The following GFM1 variants were observed in gnomAD, a reference collection of about 807,000 sequenced individuals.
GFM1 encodes elongation factor G, mitochondrial.
Under a neutral mutation model 96.2 loss-of-function variants are expected in GFM1, and 62 were observed. That is an observed-to-expected ratio of 0.64 (90% CI 0.53 to 0.80). The LOEUF is 0.80. GFM1 is among the 30% of genes least tolerant of loss of function. The pLI is 0.00. For synonymous variants in GFM1, 282 were observed against 312.9 expected (o/e 0.90, Z 1.04); for missense variants, 852 against 916.6 (o/e 0.93, Z 0.91).
rs1359728711 is a variant in GFM1, at chr3:158,646,937, C to G, written c.562C>G (p.Gln188Glu). 1 of 1,613,550 alleles carries G rather than the reference C, an allele frequency of 6.2e-7. No homozygotes were observed. The highest frequency in any genetic ancestry group is 1.3e-5 in the African/African-American group (1 of 74,894). ...GGGCTCCAACCCAGCCAGGGCCCTG[C>G]AGCAAATGAGGTAATGAGCCTTAGA... ...RMGSNPARALQQMRSKLNHNA... is the reference protein window; with the variant it reads ...RMGSNPARALEQMRSKLNHNA... The change falls in exon 4 of 18, where the codon CAG becomes GAG. Residue 188 changes from glutamine (Q) to glutamate (E), a missense_variant. Transcript: ENST00000486715.
At chr3:158,669,733 G>C (rs994416504) in intron 13 of GFM1, 31 of 927,614 alleles carry the variant, frequency 3.3e-5, no homozygotes, top group Non-Finnish European at 4.7e-5. Context: ...ACTTCAAAGT[G>C]CTTGTTTTCA....
intron 13 of GFM1, among the ~76,000 whole-genome samples, chr3:158,677,091 A>G (rs1724969378): frequency 6.6e-6 from 1 of 152,164 alleles, no homozygotes; most frequent in Admixed American, 6.5e-5. Context: ...TTTCATTATT[A>G]TTATATCTGT....
intron 17 of GFM1, 30 bp downstream of exon 17, chr3:158,691,222 G>A (rs773541608): frequency 1.3e-5 from 21 of 1,605,608 alleles, no homozygotes; most frequent in Non-Finnish European, 1.5e-5. Flanking sequence ...CCCTTCAAAA[G>A]ACCACCCTAC....
chr3:158,686,413 G>GTA (rs1035671912), intron 15 of GFM1, among the ~76,000 whole-genome samples: 6 of 148,592 alleles, frequency 4.0e-5, no homozygotes, highest in Non-Finnish European at 5.9e-5. Flanking sequence ...AATAAAATGT[G>GTA]TATATATATA....
intron 8 of GFM1, chr3:158,657,647 CTTT>C (rs1236770549): frequency 6.6e-6 from 1 of 151,970 alleles, no homozygotes; most frequent in African/African-American, 2.4e-5. Flanking sequence ...CCTTCTACTT[CTTT>C]ATGTTTTTTT....
Position 158,665,448 on chromosome 3 carries a change from G to A in GFM1, c.1492G>A (p.Glu498Lys). ...NKETVISGMG[E>K]LHLEIYAQRL... ...AGAGACAGTTATATCTGGAATGGGA[G>A]AATTACACCTGGAAATCTATGCTCA... Residue 498 changes from glutamate (E) to lysine (K), a missense_variant, in exon 12 of 18, where the codon GAA becomes AAA. By Grantham distance (56) the Glu-to-Lys change is moderately conservative. Coordinates refer to ENST00000486715, the MANE Select transcript of GFM1 (RefSeq NM_024996.7). The A allele has an allele frequency of 4.3e-6, 7 of 1,610,534 alleles. No homozygotes were observed. The highest frequency in any genetic ancestry group is 5.9e-6 in the Non-Finnish European group (7 of 1,177,230).
chr3:158,673,052 C>A (rs1404631356), intron 13 of GFM1, among the ~76,000 whole-genome samples: 3 of 152,110 alleles, frequency 2.0e-5, no homozygotes, highest in Non-Finnish European at 4.4e-5. Flanking sequence ...ATTTCCCTTC[C>A]CCTTATGAGA....
At chr3:158,691,004 C>A in intron 16 of GFM1, 135 bp from the exon 17 acceptor site, 1 of 690,426 alleles carries the variant, frequency 1.4e-6, no homozygotes, top group Non-Finnish European at 2.6e-6. Flanking sequence ...TTCTCTTTGG[C>A]TTTTAATTAT....
At chr3:158,688,669 A>C (rs1172694017) in intron 15 of GFM1, among the ~76,000 whole-genome samples, 2 of 152,172 alleles carry the variant, frequency 1.3e-5, no homozygotes, top group African/African-American at 4.8e-5. Flanking sequence ...AAGGAATAGA[A>C]CTTTTTCTAT....
At chr3:158,672,683 T>C in intron 13 of GFM1, 1 of 509,328 alleles carries the variant, frequency 2.0e-6, no homozygotes, top group Non-Finnish European at 3.5e-6. Flanking sequence ...AGCCCTGGGC[T>C]GACTGCTTCT....
intron 14 of GFM1, 34 bp downstream of exon 14, chr3:158,682,191 C>A: frequency 6.4e-7 from 1 of 1,556,082 alleles, no homozygotes; most frequent in Non-Finnish European, 8.8e-7. Flanking sequence ...TGCATTTTTA[C>A]TTACTAAAAA....
intron 4 of GFM1, among the ~76,000 whole-genome samples, chr3:158,647,410 C>G (rs1721908871): frequency 6.6e-6 from 1 of 152,178 alleles, no homozygotes; most frequent in Non-Finnish European, 1.5e-5. Context: ...AGTAACACTT[C>G]CTTTCTGTAC....
At chr3:158,686,093 G>A (rs1350111378) in intron 15 of GFM1, among the ~76,000 whole-genome samples, 1 of 150,544 alleles carries the variant, frequency 6.6e-6, no homozygotes, top group Admixed American at 6.7e-5. Flanking sequence ...GATCTATGTG[G>A]CCATATATAT....
At chr3:158,680,827 C>T (rs1200896213) in intron 13 of GFM1, among the ~76,000 whole-genome samples, 1 of 152,138 alleles carries the variant, frequency 6.6e-6, no homozygotes, top group Non-Finnish European at 1.5e-5. Flanking sequence ...GTTCCTGAAA[C>T]TGTGTGGAAT....
rs756160909 is a variant in GFM1 at position 158,654,508 on chromosome 3, A to G, written c.999-39A>G. ...TAAATTGATATAAAAGAAATATCAT[A>G]TATTACATCTCATAGATTTATATTT... On this transcript the variant is annotated intron_variant, in intron 7 of 17. Coordinates refer to ENST00000486715, the MANE Select transcript of GFM1 (RefSeq NM_024996.7). 9 of 1,182,692 alleles carry G rather than the reference A, an allele frequency of 7.6e-6. No individual in the cohort carries two copies. The South Asian group carries it at 1.1e-4, about 15-fold the overall frequency. 73.3% of individuals were successfully genotyped at this position (1,182,692 alleles called of 1,614,324 possible).
chr3:158,665,259 T>C, intron 11 of GFM1, 78 bp from the exon 12 acceptor site: 1 of 1,043,348 alleles, frequency 9.6e-7, no homozygotes. Flanking sequence ...TTTTATTTCA[T>C]TCAGTAAAGT....
intron 15 of GFM1, among the ~76,000 whole-genome samples, chr3:158,686,728 T>G (rs1725890603): frequency 7.3e-6 from 1 of 137,872 alleles, no homozygotes; most frequent in Admixed American, 7.3e-5. Context: ...GAGGTTTTTT[T>G]TTTTTTTTTT....
At chr3:158,651,020 C>CAAAAAAAA (rs772054819) in intron 5 of GFM1, 3 of 49,430 alleles carry the variant, frequency 6.1e-5, no homozygotes, top group Non-Finnish European at 7.3e-5. Context: ...GACTCCGTCT[C>CAAAAAAAA]AAAAAAAAAA....
intron 13 of GFM1, chr3:158,672,526 G>T: frequency 6.2e-7 from 1 of 1,608,442 alleles, no homozygotes; most frequent in Non-Finnish European, 8.5e-7. Context: ...GGCTTAACGG[G>T]ACCAGTAGCA....
Sources: allele counts gnomAD v4.1 joint callset (sites outside exome capture counted in the v4.1 genomes callset), GRCh38; gene constraint gnomAD v4.1.1; transcripts MANE v1.5; gene names NCBI Gene and HGNC (gene_info 2026-07-23, HGNC 2026-07-21).